SNX24: variants seen among roughly 807,000 people sequenced by gnomAD.
The protein encoded by SNX24 is sorting nexin 24.
In SNX24, 22 loss-of-function variants were observed where a neutral mutation model predicts 28.7. The ratio of observed to expected loss-of-function variants is 0.77; its 90% CI spans 0.55 to 1.10. SNX24 has a LOEUF of 1.10. Ranked by LOEUF, SNX24 falls within the 50% of genes least tolerant of loss-of-function variation. The pLI, the probability that SNX24 is intolerant of heterozygous loss-of-function variation, is 0.00. For missense variants in SNX24, 221 were observed against 201.1 expected (o/e 1.10, Z -0.60); for synonymous variants, 69 against 71.5 (o/e 0.96, Z 0.18).
At chr5:122,932,945 A>T (rs985757571) in intron 1 of SNX24, among the ~76,000 whole-genome samples, 1 of 151,930 alleles carries the variant, frequency 6.6e-6, no homozygotes, top group African/African-American at 2.4e-5. Flanking sequence ...TGGGCCAGAC[A>T]TTCCTATTCA....
chr5:123,024,108 AGGTT>A (rs1184262514), intron 5 of SNX24: 25 of 1,418,248 alleles, frequency 1.8e-5, no homozygotes, highest in East Asian at 7.1e-5. Context: ...GAAGGAAATA[AGGTT>A]GGTTGGTTGG....
At chr5:122,903,819 T>C (rs1757538148) in intron 1 of SNX24, among the ~76,000 whole-genome samples, 1 of 152,198 alleles carries the variant, frequency 6.6e-6, no homozygotes, top group Non-Finnish European at 1.5e-5. Flanking sequence ...TTCTGCTTTG[T>C]TACATTTATG....
rs70988553 is a variant in SNX24 at position 123,014,333 on chromosome 5, A to ATTTTTTTTTTTTT, written n.383+12346_383+12358dup. 3.9e-5 allele frequency among the ~76,000 whole-genome samples: 3 copies of ATTTTTTTTTTTTT among 77,270 alleles called. 1 individual carries two copies. The highest frequency in any genetic ancestry group is 5.6e-5 in the African/African-American group (1 of 17,766). 50.7% of individuals were successfully genotyped at this position (77,270 alleles called of 152,430 possible). A position where few individuals can be genotyped will look rare whatever the true frequency, so the allele number is the denominator to read the frequency against. ...AGGCACACGCCACTGTGCCCAGCTG[A>ATTTTTTTTTTTTT]TTTTTTTTTTTTTTTTTTTTTTTTT... On this transcript the variant is annotated intron_variant and non_coding_transcript_variant, in intron 5 of 5. Transcript: ENST00000502387.
intron 3 of SNX24, among the ~76,000 whole-genome samples, chr5:122,965,758 TCAA>T (rs993295997): frequency 5.3e-5 from 8 of 152,208 alleles, no homozygotes; most frequent in Non-Finnish European, 7.3e-5. Flanking sequence ...GTAAAAAAAA[TCAA>T]CAACACTTTT....
intron 3 of SNX24, among the ~76,000 whole-genome samples, chr5:122,997,602 C>T (rs2150172637): frequency 6.6e-6 from 1 of 152,248 alleles, no homozygotes; most frequent in South Asian, 2.1e-4. Flanking sequence ...GTTAAAATTC[C>T]CTAAATCTTG....
intron 1 of SNX24, among the ~76,000 whole-genome samples, chr5:122,852,849 T>C (rs1204635023): frequency 6.6e-6 from 1 of 152,140 alleles, no homozygotes; most frequent in African/African-American, 2.4e-5. Context: ...AGGAGGCATC[T>C]CTGGAACTGG....
In SNX24 at chr5:122,856,200, CACTT is replaced by C. The variant is rs374033798; in HGVS notation, c.60+10510_60+10513del. Among the ~76,000 whole-genome samples, 109 of 152,254 alleles carry C rather than the reference CACTT, an allele frequency of 7.2e-4. 3 individuals are homozygous for C. The East Asian group carries it at 0.019, about 26-fold the overall frequency. The stretch of plus-strand genomic sequence containing the variant: ...TCTTTTGTTTAGCTCCCTTATAACT[CACTT>C]ACAAGTGAGAATGTACAGTATTTGG... On this transcript the variant is annotated intron_variant, in intron 1 of 6. Transcript: ENST00000261369.
intron 3 of SNX24, among the ~76,000 whole-genome samples, chr5:122,986,826 C>A (rs1761622723): frequency 9.3e-6 from 1 of 107,586 alleles, no homozygotes; most frequent in Admixed American, 1.5e-4. Context: ...GGTGAAGAGA[C>A]AGATAGGTAA....
At chr5:123,002,059 A>G in intron 6 of SNX24, 55 bp downstream of exon 6, 1 of 1,384,610 alleles carries the variant, frequency 7.2e-7, no homozygotes, top group African/African-American at 1.4e-5. Flanking sequence ...CCTGCACCAC[A>G]TAAACCACGT....
intron 3 of SNX24, among the ~76,000 whole-genome samples, chr5:122,977,386 G>A (rs967676890): frequency 3.0e-5 from 4 of 133,468 alleles, no homozygotes; most frequent in East Asian, 2.2e-4. Context: ...TTTTGGATTC[G>A]TAGCCCTTCT....
chr5:122,965,599 G>A, intron 3 of SNX24: 3 of 330,462 alleles, frequency 9.1e-6, no homozygotes, highest in South Asian at 7.5e-5. Flanking sequence ...GGAAATAAAT[G>A]TAAGACAGTG....
rs143449201 is a variant in SNX24, at chr5:123,004,786, G to T, written c.442+2782G>T. 6.4e-3 allele frequency among the ~76,000 whole-genome samples: 979 copies of T among 152,146 alleles called. 5 individuals are homozygous for T. Among genetic ancestry groups the T allele is most frequent in the Middle Eastern group, 0.017 (5 of 294 alleles). ...AGCCTTGTTTTCTCCATCCATAGCC[G>T]GCTGCCTCTCATCTTCCAGGGCTCA... On this transcript the variant is annotated intron_variant, in intron 6 of 6. Transcript: ENST00000261369.
intron 5 of SNX24, among the ~76,000 whole-genome samples, chr5:123,017,224 A>C (rs570886243): frequency 1.1e-4 from 17 of 152,156 alleles, no homozygotes; most frequent in Non-Finnish European, 2.2e-4. Flanking sequence ...TTCGAATTTA[A>C]TGGTTTGCAG....
chr5:122,952,291 A>G (rs570051054), intron 3 of SNX24, among the ~76,000 whole-genome samples: 1 of 152,368 alleles, frequency 6.6e-6, no homozygotes, highest in Admixed American at 6.5e-5. Context: ...GAATACGTGC[A>G]GCCTGATGTT....
chr5:122,937,288 G>GAC (rs931764768), intron 2 of SNX24, among the ~76,000 whole-genome samples: 1 of 152,148 alleles, frequency 6.6e-6, no homozygotes, highest in Non-Finnish European at 1.5e-5. Flanking sequence ...TATATTCAAA[G>GAC]ACAGGGGAAC....
intron 1 of SNX24, among the ~76,000 whole-genome samples, chr5:122,858,573 A>G (rs1755311556): frequency 6.6e-6 from 1 of 152,210 alleles, no homozygotes; most frequent in Non-Finnish European, 1.5e-5. Context: ...TGCATGTTTA[A>G]TGTTAGCTGA....
At chr5:122,882,903 G>T (rs1195566426) in intron 1 of SNX24, among the ~76,000 whole-genome samples, 3 of 152,008 alleles carry the variant, frequency 2.0e-5, no homozygotes, top group Non-Finnish European at 4.4e-5. Context: ...ATGGGGGTGG[G>T]AGCATATATA....
intron 2 of SNX24, among the ~76,000 whole-genome samples, 164 bp from the exon 3 acceptor site, chr5:122,945,887 GAATT>G (rs1759659499): frequency 6.6e-6 from 1 of 151,994 alleles, no homozygotes; most frequent in Non-Finnish European, 1.5e-5. Flanking sequence ...CCTAAATAAA[GAATT>G]GTTTGACAAA....
At chr5:123,024,153 A>ACCC in intron 5 of SNX24, 1 of 104,228 alleles carries the variant, frequency 9.6e-6, no homozygotes. Flanking sequence ...AGCGTTTTTT[A>ACCC]TGCACGCTAA....
Sources: allele counts gnomAD v4.1 joint callset (sites outside exome capture counted in the v4.1 genomes callset), GRCh38; gene constraint gnomAD v4.1.1; transcripts MANE v1.5; gene names NCBI Gene and HGNC (gene_info 2026-07-23, HGNC 2026-07-21).